Variants in NUP107 observed in about 807,000 individuals in gnomAD.
NUP107 encodes nucleoporin 107.
NUP107 carries 101 observed loss-of-function variants against 141.0 expected under a neutral mutation model. The observed-to-expected ratio is 0.72, with a 90% CI of 0.61 to 0.84. The LOEUF (loss-of-function observed/expected upper bound fraction) is 0.84. Among genes scored for constraint, NUP107 ranks in the 40% least tolerant of loss-of-function variants. The pLI is 0.00. For missense variants in NUP107, 941 were observed against 1,102.7 expected (o/e 0.85, Z 2.08); for synonymous variants, 319 against 363.9 (o/e 0.88, Z 1.41).
At chr12:68,709,648 T>G (rs1035960085) in intron 9 of NUP107, among the ~76,000 whole-genome samples, 1 of 152,132 alleles carries the variant, frequency 6.6e-6, no homozygotes, top group African/African-American at 2.4e-5. Context: ...CCCAGCACTT[T>G]GGGAGGCCAG....
chr12:68,740,490 AC>A, intron 26 of NUP107, among the ~76,000 whole-genome samples: 1 of 152,306 alleles, frequency 6.6e-6, no homozygotes, highest in South Asian at 2.1e-4. Flanking sequence ...TGGAAACCTG[AC>A]CTAGATTAGC....
chr12:68,699,104 C>T (rs1463452569), intron 6 of NUP107, among the ~76,000 whole-genome samples: 2 of 152,150 alleles, frequency 1.3e-5, no homozygotes, highest in South Asian at 4.1e-4. Context: ...GGCACAGTGG[C>T]TCATACCTGT....
chr12:68,727,311 A>G, intron 19 of NUP107, 40 bp from the exon 20 acceptor site: 1 of 1,049,836 alleles, frequency 9.5e-7, no homozygotes, highest in Non-Finnish European at 1.4e-6. Flanking sequence ...ACTTTCATAT[A>G]AGCAGTGTAT....
chr12:68,744,873 A>G lies in NUP107; in HGVS notation c.*2411A>G, dbSNP rs1878463578. ...AACTTAATTTAGTTCCTCAGTGCCTACTCTTGAAGAACTGGGTTTTCATTC... is the reference window on the plus strand; with the variant it reads ...AACTTAATTTAGTTCCTCAGTGCCTGCTCTTGAAGAACTGGGTTTTCATTC... On this transcript the variant is annotated 3_prime_UTR_variant, in exon 28 of 28. Coordinates refer to ENST00000229179, the MANE Select transcript of NUP107 (RefSeq NM_020401.4). 6.6e-6 allele frequency: 1 copy of G among 152,152 alleles called. No individual in the cohort carries two copies. Among genetic ancestry groups the G allele is most frequent in the Non-Finnish European group, 1.5e-5 (1 of 68,026 alleles). 9.4% of individuals were successfully genotyped at this position (152,152 alleles called of 1,614,324 possible).
chr12:68,729,848 T>C (rs1877739394), intron 20 of NUP107, among the ~76,000 whole-genome samples: 2 of 151,422 alleles, frequency 1.3e-5, no homozygotes, highest in South Asian at 4.2e-4. Flanking sequence ...TGGAGTGCAA[T>C]GGCGCAATCT....
rs747623291 is a variant in NUP107, at chr12:68,731,228, G to A, written c.1853G>A (p.Arg618His). 5 of 1,606,598 alleles carry A rather than the reference G, an allele frequency of 3.1e-6. No individual in the cohort carries two copies. The highest frequency in any genetic ancestry group is 4.2e-6 in the Non-Finnish European group (5 of 1,177,214). The change falls in exon 21 of 28, where the codon CGC becomes CAC. Residue 618 changes from arginine (R) to histidine (H), a missense_variant. Physicochemically the swap from Arg to His is conservative, Grantham distance 29. Coordinates refer to ENST00000229179, the MANE Select transcript of NUP107 (RefSeq NM_020401.4). ...FLESVTEFEQ[R>H]HHCLELAKEA... ...GAAAGTGTTACAGAATTTGAACAGC[G>A]CCACCATTGCCTGGAGTTGGCTAAA...
intron 10 of NUP107, among the ~76,000 whole-genome samples, chr12:68,711,353 A>AAAAT (rs969086776): frequency 1.1e-4 from 17 of 152,074 alleles, no homozygotes; most frequent in Non-Finnish European, 8.8e-5. Flanking sequence ...CCTGTCTCAA[A>AAAAT]AAATAAATAA....
At chr12:68,716,229 C>T (rs1232416466) in intron 12 of NUP107, among the ~76,000 whole-genome samples, 3 of 113,686 alleles carry the variant, frequency 2.6e-5, no homozygotes, top group Non-Finnish European at 3.6e-5. Context: ...TTCTTTCTTT[C>T]TTTCTTTCTT....
At chr12:68,697,716 C>T (rs993707267) in intron 6 of NUP107, among the ~76,000 whole-genome samples, 17 of 152,052 alleles carry the variant, frequency 1.1e-4, no homozygotes, top group African/African-American at 4.1e-4. Flanking sequence ...AGAAGATATA[C>T]AGATGGCAAA....
At chr12:68,700,510 T>C (rs911489745) in intron 6 of NUP107, among the ~76,000 whole-genome samples, 2 of 152,214 alleles carry the variant, frequency 1.3e-5, no homozygotes, top group African/African-American at 4.8e-5. Context: ...GTTAGACTTA[T>C]ATATATACTC....
rs1252831084 is a variant in NUP107 at position 68,744,729 on chromosome 12, G to C, written c.*2267G>C. The C allele has an allele frequency of 6.6e-6, 1 of 152,186 alleles. No homozygotes were observed. The highest frequency in any genetic ancestry group is 1.5e-5 in the Non-Finnish European group (1 of 68,032). 9.4% of individuals were successfully genotyped at this position (152,186 alleles called of 1,614,324 possible). ...TTAGGGAGTCAATGTGTGTGTTGCT[G>C]CTTATTTAAATACAGTTCAGTTGGA... On this transcript the variant is annotated 3_prime_UTR_variant, in exon 28 of 28. Transcript: ENST00000229179.
chr12:68,693,083 TTA>T (rs1343321118), intron 5 of NUP107, among the ~76,000 whole-genome samples: 3 of 148,440 alleles, frequency 2.0e-5, no homozygotes, highest in Non-Finnish European at 3.0e-5. Flanking sequence ...ATTTATTTAT[TTA>T]TTTTTTTTTT....
At chr12:68,695,283 G>T (rs1055588372) in intron 5 of NUP107, among the ~76,000 whole-genome samples, 3 of 152,202 alleles carry the variant, frequency 2.0e-5, no homozygotes, top group Non-Finnish European at 4.4e-5. Flanking sequence ...ATATCCAAAA[G>T]ATTGGAAAGC....
At chr12:68,687,142 T>A (rs1270571727) in intron 1 of NUP107, 69 bp downstream of exon 1, 1 of 1,603,078 alleles carries the variant, frequency 6.2e-7, no homozygotes, top group Admixed American at 1.7e-5. Context: ...ACGAAATAGG[T>A]GAAACTAGAC....
intron 11 of NUP107, among the ~76,000 whole-genome samples, chr12:68,714,561 T>G (rs966636658): frequency 1.3e-4 from 20 of 152,250 alleles, no homozygotes; most frequent in Admixed American, 3.9e-4. Flanking sequence ...TGATCTATTA[T>G]GTATTCCATT....
Position 68,743,264 on chromosome 12 carries a change from G to T in NUP107, c.*802G>T, listed in dbSNP as rs1022554399. 3 of 152,312 alleles carry T rather than the reference G, an allele frequency of 2.0e-5. No individual in the cohort carries two copies. Among genetic ancestry groups the T allele is most frequent in the African/African-American group, 4.8e-5 (2 of 41,450 alleles). 9.4% of individuals were successfully genotyped at this position (152,312 alleles called of 1,614,324 possible). On this transcript the variant is annotated 3_prime_UTR_variant, in exon 28 of 28. Coordinates refer to ENST00000229179, the MANE Select transcript of NUP107 (RefSeq NM_020401.4). The stretch of plus-strand genomic sequence containing the variant: ...AAAATACAAAAATTAGCCGGGCATG[G>T]TGGCAGGTGCCTGTAATCCCAGCTA...
chr12:68,690,442 C>T (rs1875726720), intron 3 of NUP107, 189 bp from the exon 4 acceptor site: 6 of 722,120 alleles, frequency 8.3e-6, no homozygotes, highest in African/African-American at 1.8e-5. Context: ...GTAGTACCTA[C>T]AGCTCAAATT....
At chr12:68,696,745 A>C in intron 5 of NUP107, 74 bp from the exon 6 acceptor site, 1 of 804,268 alleles carries the variant, frequency 1.2e-6, no homozygotes, top group Non-Finnish European at 2.0e-6. Context: ...ATACATTTTC[A>C]AACAAACGGA....
At chr12:68,729,075 T>C (rs944641972) in intron 20 of NUP107, among the ~76,000 whole-genome samples, 3 of 152,162 alleles carry the variant, frequency 2.0e-5, no homozygotes, top group African/African-American at 7.2e-5. Flanking sequence ...CTGGGAAAGC[T>C]TACTTTTTAT....
Sources: gnomAD v4.1 joint callset for allele counts (sites outside exome capture counted in the v4.1 genomes callset) on GRCh38, gnomAD v4.1.1 for gene constraint, MANE v1.5 for transcripts, NCBI Gene and HGNC (gene_info 2026-07-23, HGNC 2026-07-21) for gene names.